KAT6B: variants seen among roughly 807,000 people sequenced by gnomAD.
KAT6B encodes the protein lysine acetyltransferase 6B.
A neutral mutation model predicts 187.5 loss-of-function variants in KAT6B; 10 were observed. The observed-to-expected ratio is 0.05, with a 90% CI of 0.03 to 0.09. The LOEUF is 0.09. Among genes scored for constraint, KAT6B ranks in the 10% least tolerant of loss-of-function variants. The pLI is 1.00. For synonymous variants in KAT6B, 861 were observed against 926.8 expected (o/e 0.93, Z 1.29); for missense variants, 1,952 against 2,558.9 (o/e 0.76, Z 5.12).
At chr10:74,856,853 G>A (rs1180743445) in intron 3 of KAT6B, among the ~76,000 whole-genome samples, 1 of 152,054 alleles carries the variant, frequency 6.6e-6, no homozygotes, top group African/African-American at 2.4e-5. Context: ...GTAAGCCAAG[G>A]TCACACCACT....
At chr10:74,871,412 C>T (rs190777936) in intron 3 of KAT6B, among the ~76,000 whole-genome samples, 1 of 152,144 alleles carries the variant, frequency 6.6e-6, no homozygotes, top group Non-Finnish European at 1.5e-5. Context: ...AGACTGGTCT[C>T]GAACTCCTGA....
intron 13 of KAT6B, among the ~76,000 whole-genome samples, chr10:74,996,768 CAAAAAAAAAA>C (rs56042160): frequency 2.6e-5 from 2 of 77,082 alleles, no homozygotes; most frequent in African/African-American, 4.9e-5. Flanking sequence ...GACTCGGTCT[CAAAAAAAAAA>C]AAAAAAAAAA....
intron 1 of KAT6B, among the ~76,000 whole-genome samples, chr10:74,833,770 A>T (rs1841060838): frequency 6.6e-6 from 1 of 152,246 alleles, no homozygotes; most frequent in African/African-American, 2.4e-5. Context: ...TTTTATGGTG[A>T]TTTAGCCTCT....
At chr10:74,892,543 A>AC (rs1023606548) in intron 3 of KAT6B, among the ~76,000 whole-genome samples, 2 of 151,750 alleles carry the variant, frequency 1.3e-5, no homozygotes, top group African/African-American at 4.8e-5. Flanking sequence ...CAGCTATTAT[A>AC]CCCCCCATAG....
At chr10:74,968,298 C>A (rs1016775097) in intron 4 of KAT6B, among the ~76,000 whole-genome samples, 1 of 152,110 alleles carries the variant, frequency 6.6e-6, no homozygotes, top group African/African-American at 2.4e-5. Flanking sequence ...AGGTTAAATG[C>A]ATCTGCCTGG....
chr10:74,847,533 G>A (rs754831665), intron 3 of KAT6B, among the ~76,000 whole-genome samples: 3 of 152,008 alleles, frequency 2.0e-5, no homozygotes, highest in Non-Finnish European at 2.9e-5. Flanking sequence ...GCATGGTGGT[G>A]CATGCCTGTA....
chr10:74,839,017 G>A (rs1415202040), intron 2 of KAT6B, among the ~76,000 whole-genome samples: 1 of 151,920 alleles, frequency 6.6e-6, no homozygotes, highest in Non-Finnish European at 1.5e-5. Context: ...GCTGGGCGTG[G>A]TGGTGGGCAC....
intron 3 of KAT6B, among the ~76,000 whole-genome samples, chr10:74,846,350 C>A (rs1444330344): frequency 6.6e-6 from 1 of 152,148 alleles, no homozygotes; most frequent in Non-Finnish European, 1.5e-5. Context: ...ATACAAAAAG[C>A]CACTTAAATC....
At chr10:74,942,146 T>A (rs1849715358) in intron 3 of KAT6B, among the ~76,000 whole-genome samples, 1 of 151,934 alleles carries the variant, frequency 6.6e-6, no homozygotes, top group Non-Finnish European at 1.5e-5. Context: ...TGAGATTTTG[T>A]CTCAAGAAAT....
intron 3 of KAT6B, among the ~76,000 whole-genome samples, chr10:74,906,720 T>G (rs1330796594): frequency 6.6e-6 from 1 of 152,228 alleles, no homozygotes; most frequent in South Asian, 2.1e-4. Context: ...CGTGAAAACC[T>G]GAGCTTGGGA....
intron 8 of KAT6B, 198 bp from the exon 9 acceptor site, chr10:74,977,118 C>G: frequency 2.0e-6 from 1 of 489,706 alleles, no homozygotes; most frequent in Non-Finnish European, 3.7e-6. Context: ...GTGATAAATT[C>G]AAATAAAAAT....
At chr10:74,860,760 G>T (rs149402965) in intron 3 of KAT6B, among the ~76,000 whole-genome samples, 27 of 152,272 alleles carry the variant, frequency 1.8e-4, no homozygotes, top group South Asian at 1.7e-3. Context: ...CACTTTGGGA[G>T]GCCAAGGCAG....
intron 13 of KAT6B, among the ~76,000 whole-genome samples, chr10:75,009,369 G>A (rs1311668120): frequency 1.3e-5 from 2 of 152,094 alleles, no homozygotes; most frequent in African/African-American, 4.8e-5. Flanking sequence ...GTACCTAGTA[G>A]GCACTCAACT....
At chr10:74,916,668 C>T (rs891232944) in intron 3 of KAT6B, among the ~76,000 whole-genome samples, 2 of 152,146 alleles carry the variant, frequency 1.3e-5, no homozygotes, top group African/African-American at 2.4e-5. Context: ...ATTTGGTGGG[C>T]ATTCTTCTTA....
At position 74,966,558 on chromosome 10, in the gene KAT6B, G is replaced by A. The variant is rs149884694; in HGVS notation, c.731-3102G>A. ...TTTTAAATAGTATTCCTTTGGTTTTGCTAGATAAAACTATTGTAAGCTACT... is the reference window on the plus strand; with the variant it reads ...TTTTAAATAGTATTCCTTTGGTTTTACTAGATAAAACTATTGTAAGCTACT... On this transcript the variant is annotated intron_variant, in intron 4 of 17. Coordinates refer to ENST00000287239, the MANE Select transcript of KAT6B (RefSeq NM_012330.4). Among the ~76,000 whole-genome samples, 435 of 152,250 alleles carry A rather than the reference G, an allele frequency of 2.9e-3. 2 individuals carry two copies. The highest frequency in any genetic ancestry group is 0.01 in the African/African-American group (417 of 41,552).
At chr10:74,855,655 G>C (rs1007207536) in intron 3 of KAT6B, among the ~76,000 whole-genome samples, 15 of 152,160 alleles carry the variant, frequency 9.9e-5, no homozygotes, top group Non-Finnish European at 1.8e-4. Flanking sequence ...GTAGACTCCT[G>C]GCAGTGTGTG....
intron 13 of KAT6B, among the ~76,000 whole-genome samples, chr10:74,993,495 C>T (rs1843236670): frequency 1.3e-5 from 2 of 152,114 alleles, no homozygotes; most frequent in African/African-American, 4.8e-5. Context: ...AGTTTTTCTA[C>T]AAAGATGCTC....
chr10:74,963,576 C>G (rs1361746668), intron 4 of KAT6B, among the ~76,000 whole-genome samples: 1 of 152,112 alleles, frequency 6.6e-6, no homozygotes, highest in Non-Finnish European at 1.5e-5. Flanking sequence ...CTCGGGAGAC[C>G]TGAAGTCTTC....
rs10693929 is a variant in KAT6B at position 74,895,361 on chromosome 10, A to ATATTATTATTAT, written c.621+51896_621+51907dup. Among the ~76,000 whole-genome samples the ATATTATTATTAT allele has an allele frequency of 2.4e-3, 363 of 149,504 alleles. 4 individuals are homozygous for ATATTATTATTAT. The highest frequency in any genetic ancestry group is 6.1e-3 in the African/African-American group (247 of 40,434). On this transcript the variant is annotated intron_variant, in intron 3 of 17. Transcript: ENST00000287239. Reference sequence around the variant, plus strand: ...TGCCTTTTCACTTTGCCCTTTAATCATATTATTATTATTATTATTATTATG... The same window carrying ATATTATTATTAT: ...TGCCTTTTCACTTTGCCCTTTAATCATATTATTATTATTATTATTATTATTATTATTATTATG...
Sources: gnomAD v4.1 joint callset for allele counts (sites outside exome capture counted in the v4.1 genomes callset) on GRCh38, gnomAD v4.1.1 for gene constraint, MANE v1.5 for transcripts, NCBI Gene and HGNC (gene_info 2026-07-23, HGNC 2026-07-21) for gene names.